The following ABI3BP variants were observed in gnomAD, a reference collection of about 807,000 sequenced individuals.
The protein encoded by ABI3BP is target of Nesh-SH3.
ABI3BP carries 216 observed loss-of-function variants against 268.6 expected under a neutral mutation model. That is an observed-to-expected ratio of 0.80 (90% CI 0.72 to 0.90). The LOEUF (loss-of-function observed/expected upper bound fraction) is 0.90, where lower values mean the gene tolerates loss of function less well. ABI3BP is among the 40% of genes least tolerant of loss of function. The probability of loss-of-function intolerance (pLI) is 0.00; values close to 1 mark genes in which losing one functional copy is unlikely to be tolerated. For synonymous variants in ABI3BP, 730 were observed against 730.0 expected, an observed-to-expected ratio of 1.00 and a Z score of 0.00; for missense variants, 2,090 against 2,182.4, an observed-to-expected ratio of 0.96 and a Z score of 0.84.
At chr3:100,807,943 C>T (rs909730122) in intron 50 of ABI3BP, among the ~76,000 whole-genome samples, 3 of 151,962 alleles carry the variant, frequency 2.0e-5, no homozygotes. Context: ...TCTTCAATAA[C>T]ACAACATTAA....
At chr3:100,961,201 C>T (rs767486169) in intron 1 of ABI3BP, among the ~76,000 whole-genome samples, 5 of 152,228 alleles carry the variant, frequency 3.3e-5, no homozygotes, top group South Asian at 2.1e-4. Flanking sequence ...GAAATACTAT[C>T]CCCAAATATA....
intron 55 of ABI3BP, among the ~76,000 whole-genome samples, 179 bp from the exon 56 acceptor site, chr3:100,789,695 T>C (rs982891513): frequency 2.0e-5 from 3 of 152,138 alleles, no homozygotes; most frequent in Non-Finnish European, 4.4e-5. Flanking sequence ...AAAGAAAATA[T>C]ACATGACTGA....
At chr3:100,834,943 T>G (rs371245623) in intron 28 of ABI3BP, among the ~76,000 whole-genome samples, 170 bp from the exon 29 acceptor site, 2 of 152,176 alleles carry the variant, frequency 1.3e-5, no homozygotes, top group South Asian at 4.1e-4. Flanking sequence ...TTTGGTCTAC[T>G]GACAGGTCTT....
At chr3:100,915,130 G>C (rs1391691715) in intron 2 of ABI3BP, among the ~76,000 whole-genome samples, 1 of 152,090 alleles carries the variant, frequency 6.6e-6, no homozygotes, top group Non-Finnish European at 1.5e-5. Context: ...GGTGGGTGCA[G>C]ACCCTCAGCC....
chr3:100,977,997 C>G lies in ABI3BP; in HGVS notation c.79+15309G>C, dbSNP rs138026865. Among the ~76,000 whole-genome samples, 191 of 152,238 alleles carry G rather than the reference C, an allele frequency of 1.3e-3. 3 individuals are homozygous for G. The highest frequency in any genetic ancestry group is 4.5e-3 in the African/African-American group (186 of 41,544). On this transcript the variant is annotated intron_variant, in intron 1 of 67. Transcript: ENST00000471714. ...TTCTTGCTTGGTAAAAGGCATCTGT[C>G]TAGACAGCTCTTAAGTTTTATCAGC... is the stretch of plus-strand genomic sequence containing the variant.
At chr3:100,880,088 AC>A (rs1021162153) in intron 6 of ABI3BP, among the ~76,000 whole-genome samples, 19 of 152,354 alleles carry the variant, frequency 1.2e-4, no homozygotes, top group Admixed American at 8.5e-4. Flanking sequence ...TTTTAAAAAA[AC>A]ATTTCCTTGC....
intron 5 of ABI3BP, among the ~76,000 whole-genome samples, chr3:100,885,904 T>C (rs951904336): frequency 2.0e-5 from 3 of 152,008 alleles, no homozygotes; most frequent in African/African-American, 7.2e-5. Flanking sequence ...TGTAATACAA[T>C]AGACAACGAC....
intron 36 of ABI3BP, among the ~76,000 whole-genome samples, chr3:100,824,616 C>A (rs1190177638): frequency 6.6e-6 from 1 of 152,164 alleles, no homozygotes. Context: ...AAGAAATATA[C>A]TAACTATGTG....
rs1236489631 is a variant in ABI3BP at position 100,965,336 on chromosome 3, C to A, written c.79+27970G>T. 2.0e-5 allele frequency among the ~76,000 whole-genome samples: 3 copies of A among 152,082 alleles called. No homozygotes were observed. The East Asian group carries it at 5.8e-4, about 29-fold the overall frequency. On this transcript the variant is annotated intron_variant, in intron 1 of 67. Coordinates refer to ENST00000471714, the MANE Select transcript of ABI3BP (RefSeq NM_001375547.2). ...TGACAAAATTCTGGGCCATTCAAAC[C>A]ATTAAACATTCCAGTTTATTTAAAT...
intron 1 of ABI3BP, among the ~76,000 whole-genome samples, chr3:100,990,246 A>G (rs2092703090): frequency 6.6e-6 from 1 of 152,172 alleles, no homozygotes; most frequent in African/African-American, 2.4e-5. Context: ...CTTTTCTATG[A>G]CCCAATAAGG....
At chr3:100,865,304 T>C (rs920382280) in intron 10 of ABI3BP, among the ~76,000 whole-genome samples, 3 of 152,200 alleles carry the variant, frequency 2.0e-5, no homozygotes, top group Non-Finnish European at 2.9e-5. Context: ...AAGATAATAG[T>C]TTATTAAACG....
chr3:100,828,267 G>A lies in ABI3BP; in HGVS notation c.2602+126C>T, dbSNP rs2098424060. ...AGATGTAGCTCTCTTATGAGCAAGAGGCAACTTGTTTTATGCATGTTCAAC... is the reference window on the plus strand; with the variant it reads ...AGATGTAGCTCTCTTATGAGCAAGAAGCAACTTGTTTTATGCATGTTCAAC... On this transcript the variant is annotated intron_variant, in intron 34 of 67. Coordinates refer to ENST00000471714, the MANE Select transcript of ABI3BP (RefSeq NM_001375547.2). 8 of 772,570 alleles carry A rather than the reference G, an allele frequency of 1.0e-5. No homozygotes were observed. In the South Asian group the frequency reaches 1.0e-4, roughly 10 times the overall value. 47.9% of individuals were successfully genotyped at this position (772,570 alleles called of 1,614,324 possible).
intron 45 of ABI3BP, among the ~76,000 whole-genome samples, chr3:100,812,892 T>C (rs73152482): frequency 0.13 from 20,514 of 152,150 alleles, 1,806 homozygotes; most frequent in South Asian, 0.26. Context: ...CATCCATTTT[T>C]TTTTCCCCAG....
At chr3:100,947,223 G>A (rs1016703689) in intron 1 of ABI3BP, among the ~76,000 whole-genome samples, 10 of 152,072 alleles carry the variant, frequency 6.6e-5, no homozygotes, top group Admixed American at 2.0e-4. Context: ...TATTAATGTC[G>A]TATTTGAGCT....
At chr3:100,871,799 A>G (rs1423654664) in intron 9 of ABI3BP, among the ~76,000 whole-genome samples, 1 of 152,128 alleles carries the variant, frequency 6.6e-6, no homozygotes, top group African/African-American at 2.4e-5. Flanking sequence ...TGTGTAAGAA[A>G]TTCTCCATGT....
chr3:100,966,079 C>A (rs923284678), intron 1 of ABI3BP, among the ~76,000 whole-genome samples: 1 of 152,116 alleles, frequency 6.6e-6, no homozygotes, highest in Non-Finnish European at 1.5e-5. Context: ...CATGAAAGCA[C>A]GATCGACTTC....
chr3:100,803,319 GTT>G (rs1220830166), intron 51 of ABI3BP, among the ~76,000 whole-genome samples: 13 of 131,336 alleles, frequency 9.9e-5, no homozygotes, highest in African/African-American at 2.6e-4. Context: ...ATTAAGGCAA[GTT>G]TTTTTTTTTT....
rs372118060 is a variant in ABI3BP, at chr3:100,880,230, G to C, written c.697-3670C>G. ...TGACAGCCCCGCAGGCTCCCACACTGTTTTGGCTGGTGTGGCCTCAGCACG... is the reference window on the plus strand; with the variant it reads ...TGACAGCCCCGCAGGCTCCCACACTCTTTTGGCTGGTGTGGCCTCAGCACG... On this transcript the variant is annotated intron_variant, in intron 6 of 67. Transcript: ENST00000471714. Among the ~76,000 whole-genome samples, 13 of 152,256 alleles carry C rather than the reference G, an allele frequency of 8.5e-5. No homozygotes were observed. In the East Asian group the frequency reaches 2.5e-3, roughly 29 times the overall value.
In ABI3BP at chr3:100,814,714, A is replaced by G. The variant is rs575358485; in HGVS notation, c.3290-979T>C. ...TATTCCACCCCACTCAACTGTTAAT[A>G]TGGTGTTGGGTACACAAAGAATGAG... On this transcript the variant is annotated intron_variant, in intron 44 of 67. Coordinates refer to ENST00000471714, the MANE Select transcript of ABI3BP (RefSeq NM_001375547.2). 7.2e-5 allele frequency among the ~76,000 whole-genome samples: 11 copies of G among 152,238 alleles called. No homozygotes were observed. The South Asian group carries it at 2.3e-3, about 32-fold the overall frequency.
Sources: allele counts gnomAD v4.1 joint callset (sites outside exome capture counted in the v4.1 genomes callset), GRCh38; gene constraint gnomAD v4.1.1; transcripts MANE v1.5; gene names NCBI Gene and HGNC (gene_info 2026-07-23, HGNC 2026-07-21).